The following TLL1 variants were observed in gnomAD, a reference collection of about 807,000 sequenced individuals.
The protein encoded by TLL1 is tolloid-like protein 1.
In TLL1, 49 loss-of-function variants were observed where a neutral mutation model predicts 128.2. The observed-to-expected ratio is 0.38, with a 90% CI of 0.30 to 0.48. TLL1 has a LOEUF of 0.48. Among genes scored for constraint, TLL1 ranks in the 20% least tolerant of loss-of-function variants. The pLI is 0.96. For missense variants in TLL1, 1,123 were observed against 1,242.0 expected, an observed-to-expected ratio of 0.90 and a Z score of 1.44; for synonymous variants, 454 against 418.8, an observed-to-expected ratio of 1.08 and a Z score of -1.03.
chr4:166,036,840 G>A (rs1739027220), intron 9 of TLL1, among the ~76,000 whole-genome samples: 1 of 149,622 alleles, frequency 6.7e-6, no homozygotes, highest in Non-Finnish European at 1.5e-5. Flanking sequence ...TTTCAAGAGA[G>A]CAAATATTAA....
intron 1 of TLL1, among the ~76,000 whole-genome samples, chr4:165,947,023 C>A (rs750570243): frequency 1.3e-5 from 2 of 152,020 alleles, no homozygotes; most frequent in African/African-American, 4.8e-5. Flanking sequence ...AGAGTATTAC[C>A]TAGTGTATTT....
intron 13 of TLL1, 140 bp downstream of exon 13, chr4:166,055,411 A>T: frequency 1.3e-6 from 1 of 753,744 alleles, no homozygotes; most frequent in South Asian, 1.7e-5. Flanking sequence ...GTTTCGATAG[A>T]AAAGGTTATT....
intron 1 of TLL1, among the ~76,000 whole-genome samples, chr4:165,979,230 A>T (rs1736028715): frequency 6.6e-6 from 1 of 152,186 alleles, no homozygotes; most frequent in African/African-American, 2.4e-5. Flanking sequence ...CATGGTGTTT[A>T]CTAGAGCATT....
intron 16 of TLL1, among the ~76,000 whole-genome samples, chr4:166,073,132 T>C (rs77792193): frequency 0.01 from 1,570 of 152,274 alleles, 25 homozygotes; most frequent in South Asian, 0.031. Context: ...AGATAAATTC[T>C]ACATTCACTC....
intron 1 of TLL1, among the ~76,000 whole-genome samples, chr4:165,915,426 G>C (rs779053183): frequency 4.6e-5 from 7 of 152,204 alleles, no homozygotes; most frequent in African/African-American, 7.2e-5. Context: ...TGAGTGATCT[G>C]ATGAATTACA....
intron 1 of TLL1, among the ~76,000 whole-genome samples, chr4:165,915,275 G>A (rs996706030): frequency 1.3e-5 from 2 of 152,182 alleles, no homozygotes; most frequent in Non-Finnish European, 2.9e-5. Context: ...AAGGAAGATA[G>A]TCTGGGAAAA....
At chr4:165,948,784 G>C (rs1468128337) in intron 1 of TLL1, among the ~76,000 whole-genome samples, 3 of 152,110 alleles carry the variant, frequency 2.0e-5, no homozygotes, top group Admixed American at 6.6e-5. Context: ...GGGTTTTGGA[G>C]GGGAAAAACA....
At chr4:165,941,937 A>C (rs1342318399) in intron 1 of TLL1, among the ~76,000 whole-genome samples, 1 of 152,044 alleles carries the variant, frequency 6.6e-6, no homozygotes, top group Non-Finnish European at 1.5e-5. Flanking sequence ...TAGTAATAGC[A>C]AATGATTCAA....
Position 166,077,935 on chromosome 4 carries a change from G to C in TLL1, c.2347G>C (p.Gly783Arg). 1 of 1,613,514 alleles carries C rather than the reference G, an allele frequency of 6.2e-7. No homozygotes were observed. Among genetic ancestry groups the C allele is most frequent in the Non-Finnish European group, 8.5e-7 (1 of 1,179,710 alleles). The change falls in exon 18 of 21, where the codon GGC becomes CGC. Residue 783 changes from glycine to arginine, a missense_variant. Physicochemically the swap from Gly to Arg is moderately radical, Grantham distance 125. Coordinates refer to ENST00000061240, the MANE Select transcript of TLL1 (RefSeq NM_012464.5). ...ECEQKIHSPSGLITSPNWPDK... is the reference protein window; with the variant it reads ...ECEQKIHSPSRLITSPNWPDK... ...TGAACAGAAGATCCACAGTCCAAGT[G>C]GCCTCATCACCAGTCCCAACTGGCC...
intron 1 of TLL1, among the ~76,000 whole-genome samples, chr4:165,985,495 C>G (rs1236254397): frequency 2.0e-5 from 3 of 151,952 alleles, no homozygotes; most frequent in Admixed American, 6.6e-5. Context: ...CTACTGTGGA[C>G]TTGTCCCAGA....
At chr4:165,982,105 A>T (rs1186768532) in intron 1 of TLL1, among the ~76,000 whole-genome samples, 1 of 152,046 alleles carries the variant, frequency 6.6e-6, no homozygotes, top group African/African-American at 2.4e-5. Flanking sequence ...TTGATAGACA[A>T]TAAGAGAATG....
At chr4:165,946,762 A>G (rs1398245939) in intron 1 of TLL1, among the ~76,000 whole-genome samples, 1 of 152,132 alleles carries the variant, frequency 6.6e-6, no homozygotes, top group African/African-American at 2.4e-5. Context: ...GACTATGGGA[A>G]AAGACTGGAA....
chr4:165,974,607 A>AT (rs1428774285), intron 1 of TLL1, among the ~76,000 whole-genome samples: 1 of 152,206 alleles, frequency 6.6e-6, no homozygotes, highest in Non-Finnish European at 1.5e-5. Flanking sequence ...TAGCTACCCA[A>AT]TTTACTATCC....
intron 17 of TLL1, among the ~76,000 whole-genome samples, chr4:166,077,199 A>T (rs1741073259): frequency 6.7e-6 from 1 of 150,338 alleles, no homozygotes; most frequent in Non-Finnish European, 1.5e-5. Flanking sequence ...ATGTGGAATG[A>T]TCTTGTCTAA....
chr4:166,069,596 A>G (rs944381479), intron 16 of TLL1, among the ~76,000 whole-genome samples: 8 of 151,732 alleles, frequency 5.3e-5, no homozygotes, highest in Admixed American at 4.6e-4. Context: ...TCAACATATC[A>G]TTGTCTAATA....
At chr4:165,903,395 G>A (rs1732089354) in intron 1 of TLL1, among the ~76,000 whole-genome samples, 2 of 151,498 alleles carry the variant, frequency 1.3e-5, no homozygotes, top group South Asian at 2.1e-4. Context: ...TTTTCTAAAA[G>A]GGTAGATCTT....
chr4:166,078,231 G>C (rs1334942767), intron 18 of TLL1, among the ~76,000 whole-genome samples: 1 of 151,952 alleles, frequency 6.6e-6, no homozygotes, highest in East Asian at 1.9e-4. Flanking sequence ...TTCTCCTCTA[G>C]GGTTTCTTAT....
chr4:165,943,408 G>A (rs1734107783), intron 1 of TLL1, among the ~76,000 whole-genome samples: 1 of 151,816 alleles, frequency 6.6e-6, no homozygotes. Context: ...AATTTTAAAA[G>A]ATCAGAAGTT....
At chr4:165,976,965 T>C (rs545711806) in intron 1 of TLL1, among the ~76,000 whole-genome samples, 1 of 152,304 alleles carries the variant, frequency 6.6e-6, no homozygotes, top group East Asian at 1.9e-4. Flanking sequence ...GCGTATTTTA[T>C]GTGTGACCCA....
Sources: allele counts gnomAD v4.1 joint callset (sites outside exome capture counted in the v4.1 genomes callset), GRCh38; gene constraint gnomAD v4.1.1; transcripts MANE v1.5; gene names NCBI Gene and HGNC (gene_info 2026-07-23, HGNC 2026-07-21).